The following MYO3A variants were observed in gnomAD, a reference collection of about 807,000 sequenced individuals.
The protein encoded by MYO3A is myosin-IIIa.
A neutral mutation model predicts 192.7 loss-of-function variants in MYO3A; 180 were observed. That is an observed-to-expected ratio of 0.93 (90% CI 0.83 to 1.06). The LOEUF (loss-of-function observed/expected upper bound fraction) is 1.06. Ranked by LOEUF, MYO3A falls within the 50% of genes least tolerant of loss-of-function variation. The probability of loss-of-function intolerance (pLI) is 0.00; values close to 1 mark genes in which losing one functional copy is unlikely to be tolerated. For missense variants in MYO3A, 1,896 were observed against 1,905.0 expected (o/e 1.00, Z 0.09); for synonymous variants, 628 against 645.3 (o/e 0.97, Z 0.41).
At chr10:25,966,557 A>G (rs1471985841) in intron 4 of MYO3A, among the ~76,000 whole-genome samples, 8 of 152,298 alleles carry the variant, frequency 5.3e-5, no homozygotes, top group Non-Finnish European at 1.2e-4. Flanking sequence ...CAGCATTTTA[A>G]TCTGCTACCT....
intron 17 of MYO3A, among the ~76,000 whole-genome samples, chr10:26,099,654 A>G (rs1025612824): frequency 6.6e-6 from 1 of 152,184 alleles, no homozygotes; most frequent in East Asian, 1.9e-4. Flanking sequence ...CCTTTTCTGC[A>G]TCTATTGAGA....
intron 14 of MYO3A, among the ~76,000 whole-genome samples, chr10:26,073,843 A>G (rs12766929): frequency 0.47 from 71,948 of 151,656 alleles, 17,872 homozygotes; most frequent in Middle Eastern, 0.58. Flanking sequence ...GGTTCACTGC[A>G]AAGAGTCATG....
chr10:26,105,654 GACTT>G (rs1386384805), intron 17 of MYO3A, among the ~76,000 whole-genome samples: 1 of 151,816 alleles, frequency 6.6e-6, no homozygotes, highest in African/African-American at 2.4e-5. Flanking sequence ...ATTTGTCTGT[GACTT>G]ACTTTTTGTC....
chr10:26,048,691 G>A (rs1184546920), intron 10 of MYO3A, among the ~76,000 whole-genome samples: 3 of 152,052 alleles, frequency 2.0e-5, no homozygotes, highest in Non-Finnish European at 2.9e-5. Context: ...GTTTGAGGGT[G>A]GTCGTGCATT....
At chr10:26,082,486 T>C (rs1588921684) in intron 14 of MYO3A, among the ~76,000 whole-genome samples, 1 of 152,312 alleles carries the variant, frequency 6.6e-6, no homozygotes, top group East Asian at 1.9e-4. Flanking sequence ...TTGGGATATT[T>C]GGGGCTTTTT....
chr10:26,085,333 G>A (rs1018802368), intron 14 of MYO3A, among the ~76,000 whole-genome samples: 2 of 151,344 alleles, frequency 1.3e-5, no homozygotes, highest in Admixed American at 6.6e-5. Context: ...AGTTCCTTGA[G>A]GCATTATGTT....
chr10:26,204,538 A>G (rs1380243026), intron 34 of MYO3A: 2 of 152,234 alleles, frequency 1.3e-5, no homozygotes. Context: ...GCACTATGCC[A>G]TTGTCTCATT....
intron 10 of MYO3A, among the ~76,000 whole-genome samples, chr10:26,038,536 A>C (rs960065233): frequency 1.3e-5 from 2 of 152,046 alleles, no homozygotes; most frequent in Admixed American, 1.3e-4. Flanking sequence ...TGATTTTTGT[A>C]CGCTGATTTT....
chr10:26,165,310 C>G (rs1157847543), intron 26 of MYO3A, among the ~76,000 whole-genome samples: 1 of 152,154 alleles, frequency 6.6e-6, no homozygotes, highest in Non-Finnish European at 1.5e-5. Flanking sequence ...CTTTGTTGCA[C>G]TGGACTTTCA....
intron 27 of MYO3A, among the ~76,000 whole-genome samples, chr10:26,168,385 A>C (rs1564615606): frequency 1.3e-5 from 2 of 152,190 alleles, no homozygotes; most frequent in Non-Finnish European, 2.9e-5. Flanking sequence ...AAAAGCATAA[A>C]AATTAGCTTA....
At chr10:26,139,549 G>A (rs962668462) in intron 20 of MYO3A, among the ~76,000 whole-genome samples, 1 of 152,190 alleles carries the variant, frequency 6.6e-6, no homozygotes, top group African/African-American at 2.4e-5. Flanking sequence ...TGAGGATGCA[G>A]CAAGTTAGAA....
intron 20 of MYO3A, among the ~76,000 whole-genome samples, chr10:26,137,422 A>G (rs1047373511): frequency 6.6e-6 from 1 of 152,190 alleles, no homozygotes; most frequent in Non-Finnish European, 1.5e-5. Flanking sequence ...TCTTACTTTA[A>G]TCTCTTAATC....
chr10:26,015,958 G>T (rs1841960258), intron 6 of MYO3A, among the ~76,000 whole-genome samples: 1 of 152,100 alleles, frequency 6.6e-6, no homozygotes, highest in Non-Finnish European at 1.5e-5. Context: ...CTTTGGGGAG[G>T]CACTTTTCAA....
intron 17 of MYO3A, among the ~76,000 whole-genome samples, chr10:26,109,806 T>A (rs902080180): frequency 1.1e-4 from 16 of 152,216 alleles, no homozygotes; most frequent in Non-Finnish European, 2.2e-4. Flanking sequence ...GAATTCTGAA[T>A]AAACATTGCT....
chr10:25,972,794 C>T (rs1185334338), intron 4 of MYO3A, among the ~76,000 whole-genome samples: 1 of 152,118 alleles, frequency 6.6e-6, no homozygotes, highest in Non-Finnish European at 1.5e-5. Context: ...CTGTCTGCCT[C>T]TGTTGGTGCC....
At chr10:26,102,643 C>T (rs980742953) in intron 17 of MYO3A, among the ~76,000 whole-genome samples, 1 of 152,192 alleles carries the variant, frequency 6.6e-6, no homozygotes. Context: ...AGCTGCAGGT[C>T]ATTGGAATTT....
At chr10:26,179,404 A>G (rs1442049536) in intron 31 of MYO3A, among the ~76,000 whole-genome samples, 1 of 151,876 alleles carries the variant, frequency 6.6e-6, no homozygotes, top group Non-Finnish European at 1.5e-5. Context: ...CACCTGACCT[A>G]ATTTTTCTTA....
At chr10:26,196,947 A>G (rs1223717991) in intron 32 of MYO3A, among the ~76,000 whole-genome samples, 1 of 152,200 alleles carries the variant, frequency 6.6e-6, no homozygotes, top group African/African-American at 2.4e-5. Context: ...GAACATCTCA[A>G]TTCCACTGTT....
chr10:26,094,252 T>C (rs1836871233), intron 15 of MYO3A, among the ~76,000 whole-genome samples: 1 of 152,114 alleles, frequency 6.6e-6, no homozygotes, highest in African/African-American at 2.4e-5. Context: ...AAAATTATTC[T>C]TGTGATGGCT....
Sources: allele counts gnomAD v4.1 joint callset (sites outside exome capture counted in the v4.1 genomes callset), GRCh38; gene constraint gnomAD v4.1.1; transcripts MANE v1.5; gene names NCBI Gene and HGNC (gene_info 2026-07-23, HGNC 2026-07-21).